The following FSTL5 variants were observed in gnomAD, a reference collection of about 807,000 sequenced individuals.
The protein encoded by FSTL5 is follistatin-related protein 5.
Under a neutral mutation model 89.1 loss-of-function variants are expected in FSTL5, and 62 were observed. The ratio of observed to expected loss-of-function variants is 0.70; its 90% confidence interval spans 0.57 to 0.86. FSTL5 has a LOEUF of 0.86. Ranked by LOEUF, FSTL5 falls within the 40% of genes least tolerant of loss-of-function variation. The pLI is 0.00. For synonymous variants in FSTL5, 383 were observed against 346.2 expected (o/e 1.11, Z -1.18); for missense variants, 1,057 against 1,001.6 (o/e 1.06, Z -0.75).
intron 3 of FSTL5, among the ~76,000 whole-genome samples, chr4:161,966,761 T>A (rs1450418380): frequency 6.6e-6 from 1 of 152,024 alleles, no homozygotes; most frequent in Admixed American, 6.6e-5. Flanking sequence ...TCCAGAACTG[T>A]GAGAAACAAA....
At chr4:161,535,204 A>T (rs1206258710) in intron 10 of FSTL5, among the ~76,000 whole-genome samples, 1 of 152,148 alleles carries the variant, frequency 6.6e-6, no homozygotes, top group South Asian at 2.1e-4. Flanking sequence ...ATCGCAACAG[A>T]ATAATAATTG....
intron 15 of FSTL5, among the ~76,000 whole-genome samples, chr4:161,450,905 G>GCTCA (rs1733141868): frequency 6.6e-6 from 1 of 151,738 alleles, no homozygotes; most frequent in Non-Finnish European, 1.5e-5. Flanking sequence ...CACCACGCCT[G>GCTCA]GCTAATTTTT....
intron 15 of FSTL5, among the ~76,000 whole-genome samples, chr4:161,400,152 T>C (rs1731136465): frequency 1.3e-5 from 2 of 152,116 alleles, no homozygotes; most frequent in South Asian, 2.1e-4. Context: ...TAAACTTCCA[T>C]ATTTTTATGA....
intron 6 of FSTL5, among the ~76,000 whole-genome samples, chr4:161,680,280 C>T (rs1195729226): frequency 6.6e-6 from 1 of 151,806 alleles, no homozygotes; most frequent in African/African-American, 2.4e-5. Context: ...ACATTGCATC[C>T]TGAGCTCTGA....
At chr4:162,008,244 T>G (rs1736666103) in intron 3 of FSTL5, among the ~76,000 whole-genome samples, 1 of 151,788 alleles carries the variant, frequency 6.6e-6, no homozygotes. Flanking sequence ...TTTAAAAAAC[T>G]TAAACATACT....
rs980712491 is a variant in FSTL5, at chr4:161,658,331, C to T, written c.728-1837G>A. Among the ~76,000 whole-genome samples the T allele has an allele frequency of 8.5e-5, 13 of 152,048 alleles. 1 individual carries two copies. Among genetic ancestry groups the T allele is most frequent in the Non-Finnish European group, 1.3e-4 (9 of 67,972 alleles). On this transcript the variant is annotated intron_variant, in intron 6 of 15. Transcript: ENST00000306100. ...AAAAAAAGCCAGGCATTGTGGCTCA[C>T]GCCTGTAGTCCCTGCTACTCAGGAG...
chr4:161,590,211 C>T (rs988238243), intron 7 of FSTL5, among the ~76,000 whole-genome samples: 5 of 152,048 alleles, frequency 3.3e-5, no homozygotes, highest in African/African-American at 1.2e-4. Flanking sequence ...ATCTTCTATT[C>T]AGAATACATA....
intron 3 of FSTL5, among the ~76,000 whole-genome samples, chr4:161,937,828 T>C (rs777184480): frequency 2.6e-5 from 4 of 152,176 alleles, no homozygotes; most frequent in African/African-American, 9.7e-5. Flanking sequence ...CATATACGTG[T>C]GCTGTACTTT....
rs1034807550 is a variant in FSTL5 at position 161,988,810 on chromosome 4, C to A, written c.160+44815G>T. On this transcript the variant is annotated intron_variant, in intron 3 of 15. Coordinates refer to ENST00000306100, the MANE Select transcript of FSTL5 (RefSeq NM_020116.5). ...ATTCTAATAATGAAATAACCCCTTA[C>A]AGCAAGTCTTTGAATCATTAGAGGA... 2.0e-5 allele frequency among the ~76,000 whole-genome samples: 3 copies of A among 152,188 alleles called. No homozygotes were observed. The South Asian group carries it at 6.2e-4, about 32-fold the overall frequency.
chr4:161,711,589 A>G (rs1192610332), intron 6 of FSTL5, among the ~76,000 whole-genome samples: 1 of 152,150 alleles, frequency 6.6e-6, no homozygotes, highest in Non-Finnish European at 1.5e-5. Context: ...TTTAAGAATT[A>G]ACACCAATTC....
At chr4:162,153,713 T>C (rs1258462123) in intron 1 of FSTL5, among the ~76,000 whole-genome samples, 2 of 139,430 alleles carry the variant, frequency 1.4e-5, no homozygotes, top group Non-Finnish European at 3.1e-5. Context: ...ATTATATATG[T>C]ATATAATAAT....
intron 15 of FSTL5, among the ~76,000 whole-genome samples, chr4:161,426,676 C>T (rs1457091968): frequency 6.6e-6 from 1 of 152,194 alleles, no homozygotes; most frequent in East Asian, 1.9e-4. Flanking sequence ...ACTGCAACCT[C>T]TGCCTCTCGG....
intron 4 of FSTL5, among the ~76,000 whole-genome samples, chr4:161,825,804 G>A (rs1730649789): frequency 4.6e-5 from 7 of 151,838 alleles, no homozygotes; most frequent in Admixed American, 4.6e-4. Flanking sequence ...CTCACTAATG[G>A]TCTGTCAATT....
chr4:161,722,525 G>A (rs907367895), intron 6 of FSTL5, among the ~76,000 whole-genome samples: 1 of 151,968 alleles, frequency 6.6e-6, no homozygotes, highest in Non-Finnish European at 1.5e-5. Context: ...TATTTTAGGT[G>A]ATTTACCCTA....
At chr4:161,650,351 A>G (rs921174026) in intron 7 of FSTL5, among the ~76,000 whole-genome samples, 3 of 152,202 alleles carry the variant, frequency 2.0e-5, no homozygotes, top group South Asian at 2.1e-4. Flanking sequence ...CAAATATAGC[A>G]TTAGAAAAAT....
chr4:161,662,144 T>C (rs1042558175), intron 6 of FSTL5, among the ~76,000 whole-genome samples: 1 of 152,166 alleles, frequency 6.6e-6, no homozygotes, highest in Non-Finnish European at 1.5e-5. Flanking sequence ...GGTGCCACGA[T>C]CTGAAACTGA....
intron 7 of FSTL5, among the ~76,000 whole-genome samples, chr4:161,594,201 G>A (rs1181334486): frequency 6.6e-6 from 1 of 151,994 alleles, no homozygotes; most frequent in Non-Finnish European, 1.5e-5. Flanking sequence ...AAAATATCAT[G>A]GAGACCAGAT....
intron 4 of FSTL5, among the ~76,000 whole-genome samples, chr4:161,861,707 G>T (rs1363088778): frequency 6.6e-6 from 1 of 152,118 alleles, no homozygotes; most frequent in Non-Finnish European, 1.5e-5. Flanking sequence ...TACTGGGCAG[G>T]ATTCAACTTA....
intron 3 of FSTL5, 141 bp from the exon 4 acceptor site, chr4:161,920,793 A>G: frequency 1.4e-6 from 1 of 714,500 alleles, no homozygotes; most frequent in South Asian, 2.0e-5. Flanking sequence ...AGTGGTGGAC[A>G]TGCTTATATA....
Sources: gnomAD v4.1 joint callset for allele counts (sites outside exome capture counted in the v4.1 genomes callset) on GRCh38, gnomAD v4.1.1 for gene constraint, MANE v1.5 for transcripts, NCBI Gene and HGNC (gene_info 2026-07-23, HGNC 2026-07-21) for gene names.